BRCA1: variants seen among roughly 807,000 people sequenced by gnomAD.
The protein encoded by BRCA1 is BRCA1 DNA repair associated, also known as breast cancer type 1 susceptibility protein.
Under a neutral mutation model 173.7 loss-of-function variants are expected in BRCA1, and 140 were observed. The ratio of observed to expected loss-of-function variants is 0.81; its 90% CI spans 0.70 to 0.93. The LOEUF is 0.93. Among genes scored for constraint, BRCA1 ranks in the 40% least tolerant of loss-of-function variants. The pLI, the probability that BRCA1 is intolerant of heterozygous loss-of-function variation, is 0.00. For missense variants in BRCA1, 1,983 were observed against 2,172.5 expected, an observed-to-expected ratio of 0.91 and a Z score of 1.73; for synonymous variants, 662 against 756.0, an observed-to-expected ratio of 0.88 and a Z score of 2.04.
chr17:43,052,958 C>G, intron 19 of BRCA1, among the ~76,000 whole-genome samples: 1 of 150,668 alleles, frequency 6.6e-6, no homozygotes, highest in East Asian at 1.9e-4. Flanking sequence ...CTCACTGCAA[C>G]CTCCACCTCC....
At chr17:43,122,480 T>C (rs1475197774) in intron 2 of BRCA1, among the ~76,000 whole-genome samples, 1 of 152,236 alleles carries the variant, frequency 6.6e-6, no homozygotes, top group East Asian at 1.9e-4. Flanking sequence ...AAAAAATGGA[T>C]ACATTACATA....
At chr17:43,050,126 A>G (rs1454299109) in intron 20 of BRCA1, 1 of 398,454 alleles carries the variant, frequency 2.5e-6, no homozygotes, top group Admixed American at 4.4e-5. Context: ...CCTTTCTCTA[A>G]GGTGTAAGAG....
rs876659903 is a variant in BRCA1, at chr17:43,091,948, G to A, written c.3583C>T (p.His1195Tyr). 1 of 1,614,054 alleles carries A rather than the reference G, an allele frequency of 6.2e-7. No homozygotes were observed. The highest frequency in any genetic ancestry group is 8.5e-7 in the Non-Finnish European group (1 of 1,179,998). ...ELSRSPSPFT[H>Y]THLAQGYRRG... Reference sequence around the variant, plus strand: ...CGGTAACCCTGAGCCAAATGTGTATGGGTGAAAGGGCTAGGACTCCTGCTA... The same window carrying A: ...CGGTAACCCTGAGCCAAATGTGTATAGGTGAAAGGGCTAGGACTCCTGCTA... Residue 1195 changes from histidine (H) to tyrosine (Y), a missense_variant, in exon 10 of 23, where the codon CAT (histidine) becomes TAT (tyrosine). Coordinates refer to ENST00000357654, the MANE Select transcript of BRCA1 (RefSeq NM_007294.4).
At chr17:43,050,380 G>A (rs1020725228) in intron 20 of BRCA1, among the ~76,000 whole-genome samples, 2 of 152,000 alleles carry the variant, frequency 1.3e-5, no homozygotes, top group African/African-American at 2.4e-5. Flanking sequence ...AGGCTGAGGC[G>A]GGTGGATCAC....
chr17:43,044,880 T>C lies in BRCA1; in HGVS notation c.*798A>G, dbSNP rs768688043. ...GTGCCGTGGTATGATCTTGGCTCAC[T>C]GCAACCTCCACCTCCCGGGCTGAAG... On this transcript the variant is annotated 3_prime_UTR_variant, in exon 23 of 23. Coordinates refer to ENST00000357654, the MANE Select transcript of BRCA1 (RefSeq NM_007294.4). 5 of 471,380 alleles carry C rather than the reference T, an allele frequency of 1.1e-5. No individual in the cohort carries two copies. The highest frequency in any genetic ancestry group is 8.0e-5 in the South Asian group (5 of 62,744). 29.2% of individuals were successfully genotyped at this position (471,380 alleles called of 1,614,324 possible).
In BRCA1 at chr17:43,099,882, TA is replaced by T. The variant is rs273900733; in HGVS notation, c.442-3del. ...TTGGACACTGAGACTGGTTTCCTGC[TA>T]AACAGTATGGTAAAGAACAGTCAAG... On this transcript the variant is annotated splice_polypyrimidine_tract_variant and splice_region_variant and intron_variant, in intron 6 of 22. Coordinates refer to ENST00000357654, the MANE Select transcript of BRCA1 (RefSeq NM_007294.4). 1.2e-6 allele frequency: 2 copies of T among 1,605,660 alleles called. No individual in the cohort carries two copies. Among genetic ancestry groups the T allele is most frequent in the Non-Finnish European group, 1.7e-6 (2 of 1,172,298 alleles).
intron 1 of BRCA1, chr17:43,168,114 G>A: frequency 3.4e-6 from 1 of 294,234 alleles, no homozygotes; most frequent in South Asian, 3.3e-5. Flanking sequence ...CTGTTCATTT[G>A]CATAGGAGAT....
At chr17:43,105,004 C>G in intron 4 of BRCA1, 48 bp from the exon 5 acceptor site, 1 of 1,425,870 alleles carries the variant, frequency 7.0e-7, no homozygotes, top group Non-Finnish European at 9.9e-7. Flanking sequence ...GATTATCAAC[C>G]TTTTAAGGAC....
In BRCA1 at chr17:43,092,315, T is replaced by C. The variant is rs1248616066; in HGVS notation, c.3216A>G (p.Leu1072=). 1.9e-6 allele frequency: 3 copies of C among 1,613,908 alleles called. No homozygotes were observed. Among genetic ancestry groups the C allele is most frequent in the South Asian group, 1.1e-5 (1 of 91,080 alleles). ...TCAATTTTGGCCCTCTGTTTCTACC[T>C]AGTTCTGCTTGAATGTTTTCATCAC... ...GSSDENIQAE[L]GRNRGPKLNA... Residue 1072 remains leucine, a synonymous_variant, in exon 10 of 23, where the codon CTA becomes CTG. Coordinates refer to ENST00000357654, the MANE Select transcript of BRCA1 (RefSeq NM_007294.4).
upstream of BRCA1, among the ~76,000 whole-genome samples, chr17:43,127,868 C>T (rs181420637): frequency 8.0e-6 from 1 of 124,730 alleles, no homozygotes; most frequent in African/African-American, 5.8e-5. Context: ...ACTAAAAAGA[C>T]AAAATATTAG....
At chr17:43,158,195 G>C (rs969034897) in intron 1 of BRCA1, among the ~76,000 whole-genome samples, 3 of 152,028 alleles carry the variant, frequency 2.0e-5, no homozygotes, top group African/African-American at 7.2e-5. Flanking sequence ...TTATGACTCT[G>C]TCCCATGGAA....
rs372133569 is a variant in BRCA1, at chr17:43,051,779, G to C, written c.5278-662C>G. On this transcript the variant is annotated intron_variant, in intron 19 of 22. Coordinates refer to ENST00000357654, the MANE Select transcript of BRCA1 (RefSeq NM_007294.4). The stretch of plus-strand genomic sequence containing the variant: ...AGCCTCCTGAGTAGCTGGGATTACA[G>C]GCGCGCACCACCACGCCCGGCTAAT... 9.9e-5 allele frequency among the ~76,000 whole-genome samples: 15 copies of C among 152,060 alleles called. No individual in the cohort carries two copies. The East Asian group carries it at 2.9e-3, about 29-fold the overall frequency.
At chr17:43,069,404 A>G (rs562302203) in intron 15 of BRCA1, among the ~76,000 whole-genome samples, 1 of 152,356 alleles carries the variant, frequency 6.6e-6, no homozygotes, top group African/African-American at 2.4e-5. Flanking sequence ...TTTAAAGACA[A>G]CATGTACCCA....
chr17:43,056,077 A>G (rs1434992420), intron 19 of BRCA1, among the ~76,000 whole-genome samples: 1 of 152,194 alleles, frequency 6.6e-6, no homozygotes, highest in Non-Finnish European at 1.5e-5. Flanking sequence ...TCTGTAATAT[A>G]GGCATAATTA....
intron 1 of BRCA1, chr17:43,167,604 T>C (rs1181585597): frequency 1.3e-5 from 2 of 152,160 alleles, no homozygotes; most frequent in Non-Finnish European, 2.9e-5. Context: ...GGTGTCTGCT[T>C]GTGGATGTCA....
rs80356857 is a variant in BRCA1 at position 43,090,944 on chromosome 17, C to T, written c.4185G>A (p.Gln1395=). 1.2e-6 allele frequency: 2 copies of T among 1,608,344 alleles called. No homozygotes were observed. Among genetic ancestry groups the T allele is most frequent in the Non-Finnish European group, 1.7e-6 (2 of 1,177,124 alleles). The change falls in exon 11 of 23, where the codon CAG becomes CAA. Residue 1395 remains glutamine, a splice_region_variant and synonymous_variant. Transcript: ENST00000357654. The part of the protein sequence containing the change: ...LSSQSDILTT[Q]QRDTMQHNLI... ...GTGCACACACACACACGCTTTTTACCTGAGTGGTTAAAATGTCACTCTGAG... is the reference window on the plus strand; with the variant it reads ...GTGCACACACACACACGCTTTTTACTTGAGTGGTTAAAATGTCACTCTGAG...
rs431825420 is a variant in BRCA1 at position 43,094,533 on chromosome 17, G to A, written c.998C>T (p.Thr333Ile). The change falls in exon 10 of 23, where the codon ACT becomes ATT. Residue 333 changes from threonine to isoleucine, a missense_variant. By Grantham distance (89) the Thr-to-Ile change is moderately conservative. Transcript: ENST00000357654. ...GSKETCNDRR[T>I]PSTEKKVDLN... ...ATCTACCTTTTTTTCTGTGCTGGGA[G>A]TCCGCCTATCATTACATGTTTCCTT... 6.2e-7 allele frequency: 1 copy of A among 1,614,074 alleles called. No homozygotes were observed. Among genetic ancestry groups the A allele is most frequent in the East Asian group, 2.2e-5 (1 of 44,894 alleles).
chr17:43,104,153 A>G lies in BRCA1; in HGVS notation c.410T>C (p.Leu137Pro), dbSNP rs751078452. ...AGGATTTTCGGGTTCACTCTGTAGA[A>G]GTCTTTTGGCACGGTTTCTGTAGCC... ...SMGYRNRAKR[L>P]LQSEPENPSL... The change falls in exon 6 of 23, where the codon CTT (leucine) becomes CCT (proline). Residue 137 changes from leucine to proline, a missense_variant. Coordinates refer to ENST00000357654, the MANE Select transcript of BRCA1 (RefSeq NM_007294.4). The G allele has an allele frequency of 1.2e-6, 2 of 1,614,046 alleles. No homozygotes were observed. The highest frequency in any genetic ancestry group is 1.7e-6 in the Non-Finnish European group (2 of 1,179,978).
rs1800063 is a variant in BRCA1, at chr17:43,094,550, T to C, written c.981A>G (p.Thr327=). ...TGCTGGGAGTCCGCCTATCATTACA[T>C]GTTTCCTTACTTCCAGCCCATCTGT... is the stretch of plus-strand genomic sequence containing the variant. ...QHNRWAGSKE[T]CNDRRTPSTE... The change falls in exon 10 of 23, where the codon ACA becomes ACG. Residue 327 remains threonine (T), a synonymous_variant. Transcript: ENST00000357654. 972 of 1,614,214 alleles carry C rather than the reference T, an allele frequency of 6.0e-4. 3 individuals carry two copies. The highest frequency in any genetic ancestry group is 2.3e-3 in the Middle Eastern group (14 of 6,062).
Sources: gnomAD v4.1 joint callset for allele counts (sites outside exome capture counted in the v4.1 genomes callset) on GRCh38, gnomAD v4.1.1 for gene constraint, MANE v1.5 for transcripts, NCBI Gene and HGNC (gene_info 2026-07-23, HGNC 2026-07-21) for gene names.